The following PSMA3 variants were observed in gnomAD, a reference collection of about 807,000 sequenced individuals.
PSMA3 encodes the protein proteasome subunit alpha type-3.
In PSMA3, 8 loss-of-function variants were observed where a neutral mutation model predicts 40.0. That is an observed-to-expected ratio of 0.20 (90% CI 0.12 to 0.36). The LOEUF (loss-of-function observed/expected upper bound fraction) is 0.36, where lower values mean the gene tolerates loss of function less well. PSMA3 is among the 10% of genes least tolerant of loss of function. PSMA3 has a pLI of 1.00. For missense variants in PSMA3, 219 were observed against 310.6 expected (o/e 0.70, Z 2.22); for synonymous variants, 110 against 100.0 (o/e 1.10, Z -0.59).
chr14:58,257,406 G>A (rs1428247513), intron 3 of PSMA3, among the ~76,000 whole-genome samples: 1 of 152,010 alleles, frequency 6.6e-6, no homozygotes, highest in Non-Finnish European at 1.5e-5. Flanking sequence ...GCTGAGGCAG[G>A]AGAATGGCAT....
rs188786854 is a variant in PSMA3 at position 58,249,507 on chromosome 14, A to T, written c.104+1675A>T. Among the ~76,000 whole-genome samples, 72 of 151,450 alleles carry T rather than the reference A, an allele frequency of 4.8e-4. 1 individual carries two copies. Among genetic ancestry groups the T allele is most frequent in the Middle Eastern group, 3.4e-3 (1 of 294 alleles). On this transcript the variant is annotated intron_variant, in intron 2 of 10. Coordinates refer to ENST00000216455, the MANE Select transcript of PSMA3 (RefSeq NM_002788.4). ...GCCTGGCTTATTATTCCTTTTTTTT[A>T]AAAAAAACTTTTTTTGGGGGCAGGA...
At chr14:58,249,255 C>T (rs938091210) in intron 2 of PSMA3, among the ~76,000 whole-genome samples, 5 of 151,646 alleles carry the variant, frequency 3.3e-5, no homozygotes, top group East Asian at 2.0e-4. Context: ...CCACGGCGCC[C>T]GGCCTAAAAG....
intron 7 of PSMA3, among the ~76,000 whole-genome samples, chr14:58,264,086 T>C (rs573875838): frequency 6.6e-6 from 1 of 152,320 alleles, no homozygotes; most frequent in South Asian, 2.1e-4. Flanking sequence ...TAACATATTA[T>C]CTGTAGAGTT....
chr14:58,265,582 G>A (rs796739380), intron 7 of PSMA3: 4 of 152,302 alleles, frequency 2.6e-5, no homozygotes, highest in South Asian at 2.1e-4. Context: ...TAATAAACTT[G>A]AAAATATTTA....
chr14:58,252,615 A>C lies in PSMA3; in HGVS notation c.228+373A>C, dbSNP rs531469896. On this transcript the variant is annotated intron_variant, in intron 3 of 10. Coordinates refer to ENST00000216455, the MANE Select transcript of PSMA3 (RefSeq NM_002788.4). Reference sequence around the variant, plus strand: ...CGAACACCTTTATATAAGGTGGAACATCAGGAAAGGATGTTTAATGAAAAG... The same window carrying C: ...CGAACACCTTTATATAAGGTGGAACCTCAGGAAAGGATGTTTAATGAAAAG... Among the ~76,000 whole-genome samples, 13 of 152,350 alleles carry C rather than the reference A, an allele frequency of 8.5e-5. No individual in the cohort carries two copies. In the South Asian group the frequency reaches 2.7e-3, roughly 32 times the overall value.
At chr14:58,259,604 C>G (rs1890224697) in intron 5 of PSMA3, among the ~76,000 whole-genome samples, 1 of 152,210 alleles carries the variant, frequency 6.6e-6, no homozygotes, top group African/African-American at 2.4e-5. Context: ...AGCCACCGCA[C>G]TGGGCCAGAG....
At chr14:58,250,541 G>T (rs1889987810) in intron 2 of PSMA3, among the ~76,000 whole-genome samples, 1 of 152,166 alleles carries the variant, frequency 6.6e-6, no homozygotes, top group African/African-American at 2.4e-5. Context: ...TATGCTCAGG[G>T]GGTTCTGCCA....
intron 7 of PSMA3, 99 bp downstream of exon 7, chr14:58,263,869 T>C: frequency 1.8e-6 from 2 of 1,092,988 alleles, no homozygotes; most frequent in Non-Finnish European, 2.8e-6. Flanking sequence ...TGTCCAATCA[T>C]TTGGCTTCCC....
At chr14:58,262,629 C>CAGAG (rs1890317181) in intron 6 of PSMA3, among the ~76,000 whole-genome samples, 1 of 150,682 alleles carries the variant, frequency 6.6e-6, no homozygotes, top group African/African-American at 2.4e-5. Flanking sequence ...GTGGTGCAAT[C>CAGAG]TTGGCTCACT....
chr14:58,250,873 G>A (rs746236151), intron 2 of PSMA3, among the ~76,000 whole-genome samples: 3 of 152,112 alleles, frequency 2.0e-5, no homozygotes, highest in Non-Finnish European at 4.4e-5. Context: ...GGATCCCAAT[G>A]CTGGTATAAT....
intron 3 of PSMA3, among the ~76,000 whole-genome samples, chr14:58,254,366 C>CTTGCTCTG (rs1163053291): frequency 7.4e-5 from 1 of 13,602 alleles, no homozygotes; most frequent in Non-Finnish European, 1.8e-4. Context: ...ACACAGAGGT[C>CTTGCTCTG]TTGCTCTGTT....
intron 10 of PSMA3, among the ~76,000 whole-genome samples, chr14:58,271,327 CTTTTTTTTTTT>C (rs60528514): frequency 2.0e-5 from 2 of 102,380 alleles, no homozygotes; most frequent in African/African-American, 7.6e-5. Context: ...AATATTTGTT[CTTTTTTTTTTT>C]TTTTTTTTTG....
intron 2 of PSMA3, among the ~76,000 whole-genome samples, chr14:58,250,789 A>T (rs370393011): frequency 6.4e-4 from 98 of 152,332 alleles, no homozygotes; most frequent in African/African-American, 2.2e-3. Flanking sequence ...ACAGCTAGGA[A>T]TTAGGCTGGT....
intron 6 of PSMA3, among the ~76,000 whole-genome samples, chr14:58,262,369 C>A (rs915410299): frequency 1.3e-5 from 2 of 152,054 alleles, no homozygotes; most frequent in African/African-American, 4.8e-5. Context: ...CCACACCCGG[C>A]TAATTTTTGT....
chr14:58,268,839 T>A (rs1029617207), intron 8 of PSMA3: 3 of 152,168 alleles, frequency 2.0e-5, no homozygotes, highest in African/African-American at 7.2e-5. Context: ...GATCCTCTCA[T>A]ATTATAGCAA....
chr14:58,266,486 A>G (rs1157890498), intron 7 of PSMA3: 6 of 152,226 alleles, frequency 3.9e-5, no homozygotes, highest in African/African-American at 7.2e-5. Flanking sequence ...CCCACGTCTA[A>G]TAACAAAATC....
intron 5 of PSMA3, among the ~76,000 whole-genome samples, chr14:58,260,235 C>T (rs564713989): frequency 1.3e-5 from 2 of 152,246 alleles, no homozygotes; most frequent in East Asian, 3.9e-4. Flanking sequence ...CTGTGCATAT[C>T]CTCCTGTATG....
intron 7 of PSMA3, chr14:58,266,444 T>C (rs1594832571): frequency 1.3e-5 from 2 of 152,208 alleles, no homozygotes; most frequent in African/African-American, 4.8e-5. Context: ...GATCCTGTCA[T>C]GTCTGTTCAG....
rs60528514 is a variant in PSMA3, at chr14:58,271,327, C to CTTTTT, written c.723+345_723+349dup. 5.3e-4 allele frequency among the ~76,000 whole-genome samples: 54 copies of CTTTTT among 102,376 alleles called. 1 individual carries two copies. Among genetic ancestry groups the CTTTTT allele is most frequent in the African/African-American group, 1.4e-3 (38 of 26,230 alleles). 67.2% of individuals were successfully genotyped at this position (102,376 alleles called of 152,430 possible). A position where few individuals can be genotyped will look rare whatever the true frequency, so the allele number is the denominator to read the frequency against. On this transcript the variant is annotated intron_variant, in intron 10 of 10. Coordinates refer to ENST00000216455, the MANE Select transcript of PSMA3 (RefSeq NM_002788.4). Reference sequence around the variant, plus strand: ...ACTTTTAATACTTTAAATATTTGTTCTTTTTTTTTTTTTTTTTTTTGAGAC... The same window carrying CTTTTT: ...ACTTTTAATACTTTAAATATTTGTTCTTTTTTTTTTTTTTTTTTTTTTTTTGAGAC...
Sources: gnomAD v4.1 joint callset for allele counts (sites outside exome capture counted in the v4.1 genomes callset) on GRCh38, gnomAD v4.1.1 for gene constraint, MANE v1.5 for transcripts, NCBI Gene and HGNC (gene_info 2026-07-23, HGNC 2026-07-21) for gene names.